Variants in DECR1 observed in about 807,000 individuals in gnomAD.
The protein encoded by DECR1 is 2,4-dienoyl-CoA reductase [(3E)-enoyl-CoA-producing], mitochondrial.
In DECR1, 44 loss-of-function variants were observed where a neutral mutation model predicts 38.8. The observed-to-expected ratio is 1.13, with a 90% CI of 0.89 to 1.46. The LOEUF is 1.46. DECR1 is among the 40% of genes most tolerant of loss of function. The probability of loss-of-function intolerance (pLI) is 0.00; values close to 1 mark genes in which losing one functional copy is unlikely to be tolerated. For missense variants in DECR1, 428 were observed against 405.5 expected, an observed-to-expected ratio of 1.06 and a Z score of -0.48; for synonymous variants, 148 against 135.2, an observed-to-expected ratio of 1.09 and a Z score of -0.66.
chr8:90,006,645 G>A (rs1812747962), intron 1 of DECR1, among the ~76,000 whole-genome samples: 1 of 152,178 alleles, frequency 6.6e-6, no homozygotes, highest in Non-Finnish European at 1.5e-5. Flanking sequence ...AAAATCAGAG[G>A]CCTTGGTGAT....
At chr8:90,019,010 A>C (rs1454072194) in intron 3 of DECR1, 44 bp downstream of exon 3, 1 of 1,575,620 alleles carries the variant, frequency 6.3e-7, no homozygotes, top group Non-Finnish European at 8.7e-7. Context: ...AGGAATTATA[A>C]CATGTTCAAA....
chr8:90,052,079 T>TAAAAA lies in DECR1; in HGVS notation c.*182_*183insAAAAA. 1 of 543,124 alleles carries TAAAAA rather than the reference T, an allele frequency of 1.8e-6. No homozygotes were observed. Among genetic ancestry groups the TAAAAA allele is most frequent in the Non-Finnish European group, 3.1e-6 (1 of 319,274 alleles). 33.6% of individuals were successfully genotyped at this position (543,124 alleles called of 1,614,324 possible). Reference sequence around the variant, plus strand: ...CAAAGATAAATAAAATGAAATATAGTCCTTCAAAACATTAAAAAAAAAAAA... The same window carrying TAAAAA: ...CAAAGATAAATAAAATGAAATATAGTAAAAACCTTCAAAACATTAAAAAAAAAAAA... On this transcript the variant is annotated 3_prime_UTR_variant, in exon 10 of 10. Transcript: ENST00000220764.
intron 5 of DECR1, among the ~76,000 whole-genome samples, chr8:90,021,481 T>G (rs1160857966): frequency 6.6e-6 from 1 of 152,180 alleles, no homozygotes; most frequent in Non-Finnish European, 1.5e-5. Flanking sequence ...GAAATGATTT[T>G]GGGAAGGTGG....
rs925902750 is a variant in DECR1, at chr8:90,044,999, A to T, written c.885+4A>T. On this transcript the variant is annotated splice_donor_region_variant and intron_variant, in intron 8 of 9. Transcript: ENST00000220764. ...TGCTTCTTGGATTAATGGAGCAGTAAGCGTTGTTTATTTCTCTTCACTTTT... is the reference window on the plus strand; with the variant it reads ...TGCTTCTTGGATTAATGGAGCAGTATGCGTTGTTTATTTCTCTTCACTTTT... The T allele has an allele frequency of 6.2e-7, 1 of 1,613,504 alleles. No homozygotes were observed. The highest frequency in any genetic ancestry group is 1.3e-5 in the African/African-American group (1 of 74,726).
chr8:90,015,480 T>C, intron 1 of DECR1: 1 of 352,976 alleles, frequency 2.8e-6, no homozygotes, highest in East Asian at 7.3e-5. Context: ...ACATACTGTA[T>C]ATTTGTTTCT....
chr8:90,018,179 C>T (rs531976456), intron 2 of DECR1, among the ~76,000 whole-genome samples: 20 of 152,328 alleles, frequency 1.3e-4, no homozygotes, highest in African/African-American at 2.6e-4. Flanking sequence ...TGAGCCACCG[C>T]GCCCAGCCAG....
At chr8:90,020,343 A>G (rs1456950838) in intron 4 of DECR1, among the ~76,000 whole-genome samples, 1 of 152,204 alleles carries the variant, frequency 6.6e-6, no homozygotes, top group Non-Finnish European at 1.5e-5. Flanking sequence ...GTCACATGGT[A>G]AATATGTTTA....
intron 4 of DECR1, among the ~76,000 whole-genome samples, chr8:90,020,187 C>G (rs1586145259): frequency 6.6e-6 from 1 of 152,116 alleles, no homozygotes; most frequent in African/African-American, 2.4e-5. Flanking sequence ...TTTTCAGAAC[C>G]AGTAACACTG....
intron 6 of DECR1, among the ~76,000 whole-genome samples, chr8:90,038,454 C>CT (rs759045189): frequency 0.087 from 9,736 of 111,680 alleles, 870 homozygotes; most frequent in African/African-American, 0.21. Context: ...CATCGCGGGC[C>CT]TTTTTTTTTT....
chr8:90,019,137 G>C lies in DECR1; in HGVS notation c.382G>C (p.Val128Leu). The C allele has an allele frequency of 6.2e-7, 1 of 1,614,164 alleles. No individual in the cohort carries two copies. Among genetic ancestry groups the C allele is most frequent in the Non-Finnish European group, 8.5e-7 (1 of 1,180,012 alleles). ...GGATCCTGATATGGTTCAAAACACT[G>C]TGTCAGAACTGATCAAAGTTGCAGG... ...VRDPDMVQNT[V>L]SELIKVAGHP... Residue 128 changes from valine to leucine, a missense_variant, in exon 4 of 10, where the codon GTG (valine) becomes CTG (leucine). By Grantham distance (32) the Val-to-Leu change is conservative (BLOSUM62 1). Coordinates refer to ENST00000220764, the MANE Select transcript of DECR1 (RefSeq NM_001359.2).
At chr8:90,019,529 A>G (rs1216659676) in intron 4 of DECR1, among the ~76,000 whole-genome samples, 2 of 152,224 alleles carry the variant, frequency 1.3e-5, no homozygotes, top group Non-Finnish European at 2.9e-5. Flanking sequence ...AGAAATTTCT[A>G]GAAAAGGGTT....
intron 1 of DECR1, among the ~76,000 whole-genome samples, chr8:90,011,276 G>T (rs529523589): frequency 6.6e-6 from 1 of 152,192 alleles, no homozygotes; most frequent in South Asian, 2.1e-4. Context: ...ATACATTCCA[G>T]CTCCTTCTTT....
At chr8:90,024,130 G>A (rs1249997684) in intron 5 of DECR1, among the ~76,000 whole-genome samples, 2 of 152,124 alleles carry the variant, frequency 1.3e-5, no homozygotes, top group African/African-American at 4.8e-5. Flanking sequence ...ATGGACATTT[G>A]GGTTGGTTCC....
At chr8:90,033,665 A>C (rs4961168) in intron 5 of DECR1, among the ~76,000 whole-genome samples, 76,903 of 151,622 alleles carry the variant, frequency 0.51, 21,783 homozygotes, top group African/African-American at 0.77. Flanking sequence ...GCTGCAGTAT[A>C]TTATTCTAAG....
At chr8:90,004,565 A>C (rs1812694782) in intron 1 of DECR1, among the ~76,000 whole-genome samples, 1 of 152,158 alleles carries the variant, frequency 6.6e-6, no homozygotes, top group African/African-American at 2.4e-5. Flanking sequence ...TGGATGTCAC[A>C]TTTTCCCTTA....
Position 90,044,968 on chromosome 8 carries a change from T to G in DECR1, c.858T>G (p.Ser286Arg), listed in dbSNP as rs769018034. The change falls in exon 8 of 10, where the codon AGT becomes AGG. Residue 286 changes from serine to arginine, a missense_variant. By Grantham distance (110) the Ser-to-Arg change is moderately radical (BLOSUM62 -1). Transcript: ENST00000220764. Reference sequence around the variant, plus strand: ...CAAATCTTGCTGCTTTCCTTTGTAGTGATTATGCTTCTTGGATTAATGGAG... The same window carrying G: ...CAAATCTTGCTGCTTTCCTTTGTAGGGATTATGCTTCTTGGATTAATGGAG... ...ELANLAAFLC[S>R]DYASWINGAV... 2.5e-6 allele frequency: 4 copies of G among 1,613,620 alleles called. No individual in the cohort carries two copies. The highest frequency in any genetic ancestry group is 1.7e-5 in the Admixed American group (1 of 59,956).
In DECR1 at chr8:90,053,354, G is replaced by C. The variant is rs1316823877; in HGVS notation, c.*1457G>C. ...TCATGTCTTACGTGGTGGCACCCAA[G>C]AGAGCTTGTGCAGGGGAACTCCCAT... On this transcript the variant is annotated 3_prime_UTR_variant, in exon 10 of 10. Transcript: ENST00000220764. 2.6e-5 allele frequency among the ~76,000 whole-genome samples: 4 copies of C among 152,212 alleles called. No homozygotes were observed. The highest frequency in any genetic ancestry group is 9.6e-5 in the African/African-American group (4 of 41,456).
intron 6 of DECR1, chr8:90,037,154 A>G (rs1381505461): frequency 2.0e-6 from 1 of 508,016 alleles, no homozygotes; most frequent in East Asian, 3.0e-5. Context: ...ATGTTCTGTA[A>G]ATATGCACTA....
At chr8:90,033,749 T>C (rs1044892547) in intron 5 of DECR1, among the ~76,000 whole-genome samples, 2 of 152,236 alleles carry the variant, frequency 1.3e-5, no homozygotes, top group African/African-American at 4.8e-5. Context: ...AAAATAACTT[T>C]CATTTCAGCA....
Sources: gnomAD v4.1 joint callset for allele counts (sites outside exome capture counted in the v4.1 genomes callset) on GRCh38, gnomAD v4.1.1 for gene constraint, MANE v1.5 for transcripts, NCBI Gene and HGNC (gene_info 2026-07-23, HGNC 2026-07-21) for gene names.